Variants in HCN1 observed in about 807,000 individuals in gnomAD.
HCN1 encodes potassium/sodium hyperpolarization-activated cyclic nucleotide-gated channel 1.
HCN1 carries 13 observed loss-of-function variants against 78.9 expected under a neutral mutation model. That is an observed-to-expected ratio of 0.16 (90% confidence interval 0.11 to 0.26). The LOEUF (loss-of-function observed/expected upper bound fraction) is 0.26. Ranked by LOEUF, HCN1 falls within the 10% of genes least tolerant of loss-of-function variation. The pLI, the probability that HCN1 is intolerant of heterozygous loss-of-function variation, is 1.00. For synonymous variants in HCN1, 552 were observed against 455.5 expected (o/e 1.21, Z -2.70); for missense variants, 810 against 1,154.3 (o/e 0.70, Z 4.32).
intron 5 of HCN1, among the ~76,000 whole-genome samples, chr5:45,333,366 C>A (rs955224499): frequency 6.6e-6 from 1 of 151,624 alleles, no homozygotes; most frequent in African/African-American, 2.4e-5. Context: ...GTTGTTTGAG[C>A]TCCATATAAA....
rs374681788 is a variant in HCN1, at chr5:45,370,945, G to T, written c.1231-17699C>A. On this transcript the variant is annotated intron_variant, in intron 4 of 7. Transcript: ENST00000303230. ...GATTCTCCATAAATATGTATATTTC[G>T]AGGAGTTTGGTGATTTTATTTGCTA... 3.3e-5 allele frequency among the ~76,000 whole-genome samples: 5 copies of T among 152,040 alleles called. No homozygotes were observed. The East Asian group carries it at 9.7e-4, about 29-fold the overall frequency.
intron 6 of HCN1, among the ~76,000 whole-genome samples, chr5:45,285,281 A>C (rs150342839): frequency 1.3e-5 from 2 of 152,204 alleles, no homozygotes; most frequent in East Asian, 3.9e-4. Flanking sequence ...AAGTGGGCCA[A>C]TGCACATGGC....
Position 45,258,937 on chromosome 5 carries a change from A to G in HCN1, c.*2984T>C. ...TACAGGAAAATTATTTCTCATCTGT[A>G]TATCCAATAATTACACAAAATGGTT... is the stretch of plus-strand genomic sequence containing the variant. On this transcript the variant is annotated 3_prime_UTR_variant, in exon 8 of 8. Transcript: ENST00000303230. The G allele has an allele frequency of 6.6e-6, 1 of 152,064 alleles. No homozygotes were observed. The highest frequency in any genetic ancestry group is 2.1e-4 in the South Asian group (1 of 4,838). The allele number at this position is 152,064 out of a possible 1,614,324, so 9.4% of individuals were successfully genotyped here.
chr5:45,645,551 T>C lies in HCN1; in HGVS notation c.483A>G (p.Pro161=). The change falls in exon 2 of 8, where the codon CCA becomes CCG. Residue 161 remains proline (P), a synonymous_variant. Coordinates refer to ENST00000303230, the MANE Select transcript of HCN1 (RefSeq NM_021072.4). ...IMMVGNLVII[P]VGITFFTEQT... ...GCTCTGTAAAGAATGTGATTCCAAC[T>C]GGTATGATGACTAGATTTCCAACCA... 6.2e-7 allele frequency: 1 copy of C among 1,610,710 alleles called. No individual in the cohort carries two copies. Among genetic ancestry groups the C allele is most frequent in the Non-Finnish European group, 8.5e-7 (1 of 1,178,288 alleles).
chr5:45,346,962 G>A (rs1313729627), intron 5 of HCN1, among the ~76,000 whole-genome samples: 3 of 152,226 alleles, frequency 2.0e-5, no homozygotes, highest in Admixed American at 2.0e-4. Context: ...AAAGACAGCA[G>A]TAACCTCTGC....
chr5:45,322,029 G>A (rs1343018359), intron 5 of HCN1, among the ~76,000 whole-genome samples: 2 of 151,884 alleles, frequency 1.3e-5, no homozygotes, highest in Admixed American at 6.6e-5. Context: ...ATGAGATCTT[G>A]AGGCATAACT....
In HCN1 at chr5:45,372,071, AT is replaced by A. The variant is rs557727794; in HGVS notation, c.1231-18826del. Among the ~76,000 whole-genome samples, 254 of 47,414 alleles carry A rather than the reference AT, an allele frequency of 5.4e-3. 1 individual carries two copies. The highest frequency in any genetic ancestry group is 6.9e-3 in the Non-Finnish European group (229 of 33,086). 31.1% of individuals were successfully genotyped at this position (47,414 alleles called of 152,430 possible). On this transcript the variant is annotated intron_variant, in intron 4 of 7. Transcript: ENST00000303230. ...TATATATAATATAATTATATTATATATTATATATAATATAATTATATATATA... is the reference window on the plus strand; with the variant it reads ...TATATATAATATAATTATATTATATATATATATAATATAATTATATATATA...
intron 4 of HCN1, among the ~76,000 whole-genome samples, chr5:45,372,671 A>AAT (rs1561128710): frequency 7.1e-6 from 1 of 141,412 alleles, no homozygotes; most frequent in African/African-American, 2.5e-5. Context: ...TATATATAAA[A>AAT]ATATAAAATA....
chr5:45,468,740 T>A (rs1741331210), intron 2 of HCN1, among the ~76,000 whole-genome samples: 1 of 152,074 alleles, frequency 6.6e-6, no homozygotes, highest in Non-Finnish European at 1.5e-5. Flanking sequence ...ACTTAAGATA[T>A]GAATCCTTTG....
rs190047554 is a variant in HCN1 at position 45,638,699 on chromosome 5, T to C, written c.849+6486A>G. ...GGGCAGATCACCTGAGGTCAGGAGT[T>C]CAAGACCAGCCTGGCCAACATGGTG... On this transcript the variant is annotated intron_variant, in intron 2 of 7. Transcript: ENST00000303230. Among the ~76,000 whole-genome samples the C allele has an allele frequency of 8.4e-3, 1,276 of 152,228 alleles. 20 individuals are homozygous for C. The highest frequency in any genetic ancestry group is 0.029 in the African/African-American group (1,222 of 41,544).
intron 6 of HCN1, among the ~76,000 whole-genome samples, chr5:45,281,240 C>T (rs542313210): frequency 6.6e-6 from 1 of 151,904 alleles, no homozygotes; most frequent in East Asian, 1.9e-4. Context: ...TGGATTTCCC[C>T]CTTGCTGTTG....
At chr5:45,649,999 T>A (rs1745646422) in intron 1 of HCN1, among the ~76,000 whole-genome samples, 1 of 152,116 alleles carries the variant, frequency 6.6e-6, no homozygotes, top group Non-Finnish European at 1.5e-5. Flanking sequence ...TTAGGTTAGA[T>A]ATCTAAAAAA....
chr5:45,296,086 T>C (rs1228107903), intron 6 of HCN1, among the ~76,000 whole-genome samples: 1 of 152,010 alleles, frequency 6.6e-6, no homozygotes, highest in African/African-American at 2.4e-5. Context: ...CATGTCATCA[T>C]AGTGAAAATA....
intron 2 of HCN1, among the ~76,000 whole-genome samples, chr5:45,601,266 T>C (rs574399997): frequency 6.6e-6 from 1 of 152,120 alleles, no homozygotes; most frequent in African/African-American, 2.4e-5. Flanking sequence ...TCTAATGAAG[T>C]GTTTTGTCAC....
intron 5 of HCN1, among the ~76,000 whole-genome samples, chr5:45,349,901 G>T (rs1746849666): frequency 6.6e-6 from 1 of 152,056 alleles, no homozygotes; most frequent in Admixed American, 6.6e-5. Flanking sequence ...CAACCAAAAA[G>T]AGTCCAGGAC....
chr5:45,282,534 T>C (rs1745189536), intron 6 of HCN1, among the ~76,000 whole-genome samples: 1 of 152,234 alleles, frequency 6.6e-6, no homozygotes, highest in African/African-American at 2.4e-5. Flanking sequence ...TAGTATCTCA[T>C]GACCATTCAC....
chr5:45,466,409 T>A (rs546136588), intron 2 of HCN1, among the ~76,000 whole-genome samples: 1 of 152,284 alleles, frequency 6.6e-6, no homozygotes, highest in East Asian at 1.9e-4. Context: ...CTGAGCTAGT[T>A]TGTGTGATCT....
intron 6 of HCN1, among the ~76,000 whole-genome samples, chr5:45,301,541 C>T (rs887266483): frequency 7.9e-5 from 12 of 151,040 alleles, no homozygotes; most frequent in Non-Finnish European, 1.6e-4. Flanking sequence ...CAAATGGTGA[C>T]ATCCCGTCTC....
At chr5:45,568,959 T>C (rs1743772087) in intron 2 of HCN1, among the ~76,000 whole-genome samples, 1 of 152,028 alleles carries the variant, frequency 6.6e-6, no homozygotes, top group South Asian at 2.1e-4. Flanking sequence ...CCTTACCCCT[T>C]TCTCTCTGAA....
Sources: allele counts gnomAD v4.1 joint callset (sites outside exome capture counted in the v4.1 genomes callset), GRCh38; gene constraint gnomAD v4.1.1; transcripts MANE v1.5; gene names NCBI Gene and HGNC (gene_info 2026-07-23, HGNC 2026-07-21).